DLG2: variants seen among roughly 807,000 people sequenced by gnomAD.
The protein encoded by DLG2 is disks large homolog 2.
A neutral mutation model predicts 132.5 loss-of-function variants in DLG2; 45 were observed. That is an observed-to-expected ratio of 0.34 (90% CI 0.27 to 0.44). DLG2 has a LOEUF of 0.44. Ranked by LOEUF, DLG2 falls within the 20% of genes least tolerant of loss-of-function variation. The pLI, the probability that DLG2 is intolerant of heterozygous loss-of-function variation, is 1.00. For synonymous variants in DLG2, 424 were observed against 419.6 expected (o/e 1.01, Z -0.13); for missense variants, 1,045 against 1,196.9 (o/e 0.87, Z 1.87).
chr11:83,571,852 T>C (rs960190894), intron 19 of DLG2, among the ~76,000 whole-genome samples: 3 of 152,096 alleles, frequency 2.0e-5, no homozygotes, highest in Non-Finnish European at 4.4e-5. Context: ...CTTAATATAT[T>C]CATATTTCAT....
chr11:84,799,541 T>A (rs2075111109), intron 6 of DLG2, among the ~76,000 whole-genome samples: 1 of 152,258 alleles, frequency 6.6e-6, no homozygotes, highest in Non-Finnish European at 1.5e-5. Flanking sequence ...AGACAGCTGT[T>A]AAAATTTGGT....
At chr11:84,684,519 A>G (rs983831821) in intron 6 of DLG2, among the ~76,000 whole-genome samples, 2 of 152,158 alleles carry the variant, frequency 1.3e-5, no homozygotes, top group Non-Finnish European at 2.9e-5. Flanking sequence ...CATCAACTCT[A>G]TGGGTACCCT....
chr11:84,057,487 T>A (rs538431538), intron 11 of DLG2, among the ~76,000 whole-genome samples: 11 of 152,300 alleles, frequency 7.2e-5, no homozygotes, highest in African/African-American at 2.6e-4. Context: ...AATGTGAGGG[T>A]TGAAAGTCTT....
chr11:85,528,742 G>A (rs2074975028), intron 3 of DLG2, among the ~76,000 whole-genome samples: 3 of 152,190 alleles, frequency 2.0e-5, no homozygotes, highest in Admixed American at 2.0e-4. Flanking sequence ...AGGACCCTGT[G>A]CTTAGTTTAA....
At chr11:84,406,146 C>A (rs1385218053) in intron 7 of DLG2, among the ~76,000 whole-genome samples, 1 of 152,140 alleles carries the variant, frequency 6.6e-6, no homozygotes, top group East Asian at 1.9e-4. Context: ...AAAACTCCCC[C>A]TACTGCCCTA....
chr11:85,506,674 T>C (rs1216089065), intron 3 of DLG2, among the ~76,000 whole-genome samples: 2 of 152,240 alleles, frequency 1.3e-5, no homozygotes, highest in Non-Finnish European at 2.9e-5. Context: ...AATGTGGTGC[T>C]GAGAAGAATG....
chr11:85,219,784 C>A (rs1316624167), intron 4 of DLG2, among the ~76,000 whole-genome samples: 2 of 150,642 alleles, frequency 1.3e-5, no homozygotes, highest in African/African-American at 2.4e-5. Context: ...GTCACATTCA[C>A]AGATTTTTGG....
intron 3 of DLG2, among the ~76,000 whole-genome samples, chr11:85,374,650 A>C (rs538671405): frequency 6.6e-6 from 1 of 152,186 alleles, no homozygotes; most frequent in Non-Finnish European, 1.5e-5. Flanking sequence ...CAGCGGGTCA[A>C]ATATTTTTAA....
intron 6 of DLG2, among the ~76,000 whole-genome samples, chr11:85,019,749 G>A (rs1176346869): frequency 6.6e-6 from 1 of 152,144 alleles, no homozygotes; most frequent in East Asian, 1.9e-4. Context: ...ACAGTTTGCA[G>A]AGAATGATGG....
intron 6 of DLG2, among the ~76,000 whole-genome samples, chr11:84,883,037 T>A (rs2087610849): frequency 6.6e-6 from 1 of 152,204 alleles, no homozygotes; most frequent in Non-Finnish European, 1.5e-5. Flanking sequence ...CTATTCACAA[T>A]AGCAAAGACT....
Position 85,334,128 on chromosome 11 carries a change from AG to A in DLG2, c.41-48764del, listed in dbSNP as rs1197244477. Reference sequence around the variant, plus strand: ...GTCAGAATTCATTATTGGTCTGTTCAGGGTTTCAATTTCTTCCTGGTTCAAT... The same window carrying A: ...GTCAGAATTCATTATTGGTCTGTTCAGGTTTCAATTTCTTCCTGGTTCAAT... On this transcript the variant is annotated intron_variant, in intron 3 of 27. Transcript: ENST00000376104. 3.3e-5 allele frequency among the ~76,000 whole-genome samples: 5 copies of A among 152,190 alleles called. No homozygotes were observed. The East Asian group carries it at 9.7e-4, about 29-fold the overall frequency.
intron 6 of DLG2, among the ~76,000 whole-genome samples, chr11:84,963,042 C>T (rs1040223922): frequency 6.6e-5 from 10 of 152,162 alleles, no homozygotes; most frequent in Admixed American, 2.6e-4. Context: ...CAGTGGCTCC[C>T]ATAATAACTT....
rs559263421 is a variant in DLG2 at position 85,349,755 on chromosome 11, G to A, written c.41-64390C>T. ...AGGACATGAGCTCATCCTTTTTTAT[G>A]GCTGCATAGTATTCCATGGTGTATA... On this transcript the variant is annotated intron_variant, in intron 3 of 27. Coordinates refer to ENST00000376104, the MANE Select transcript of DLG2 (RefSeq NM_001142699.3). 2.0e-5 allele frequency among the ~76,000 whole-genome samples: 3 copies of A among 152,146 alleles called. No homozygotes were observed. The East Asian group carries it at 5.8e-4, about 29-fold the overall frequency.
chr11:85,352,812 C>T (rs1189020375), intron 3 of DLG2, among the ~76,000 whole-genome samples: 2 of 152,158 alleles, frequency 1.3e-5, no homozygotes, highest in African/African-American at 4.8e-5. Flanking sequence ...GGATCCCTTC[C>T]TTACACCTTG....
At chr11:84,142,481 T>C (rs1444921890) in intron 9 of DLG2, among the ~76,000 whole-genome samples, 1 of 152,190 alleles carries the variant, frequency 6.6e-6, no homozygotes, top group African/African-American at 2.4e-5. Context: ...ATTAATTTTA[T>C]GTGTCACCTT....
At chr11:83,874,797 A>C (rs1432060453) in intron 15 of DLG2, among the ~76,000 whole-genome samples, 1 of 152,244 alleles carries the variant, frequency 6.6e-6, no homozygotes, top group South Asian at 2.1e-4. Context: ...GATAGGTAGA[A>C]CCCTCCACCA....
chr11:84,703,740 G>A (rs1045533817), intron 6 of DLG2, among the ~76,000 whole-genome samples: 2 of 150,874 alleles, frequency 1.3e-5, no homozygotes, highest in African/African-American at 2.4e-5. Context: ...CTCAGTGAAA[G>A]TGTTAAATAA....
intron 18 of DLG2, among the ~76,000 whole-genome samples, chr11:83,753,886 T>G (rs557478566): frequency 4.5e-5 from 2 of 44,042 alleles, no homozygotes; most frequent in Non-Finnish European, 8.5e-5. Context: ...ATATATATCA[T>G]ATATATCATA....
At chr11:84,862,956 C>G (rs1344571713) in intron 6 of DLG2, among the ~76,000 whole-genome samples, 1 of 151,866 alleles carries the variant, frequency 6.6e-6, no homozygotes, top group African/African-American at 2.4e-5. Flanking sequence ...ACATCTATCC[C>G]AGAACTTAAA....
Sources: allele counts gnomAD v4.1 joint callset (sites outside exome capture counted in the v4.1 genomes callset), GRCh38; gene constraint gnomAD v4.1.1; transcripts MANE v1.5; gene names NCBI Gene and HGNC (gene_info 2026-07-23, HGNC 2026-07-21).